Variants in RPS6KB1 observed in about 807,000 individuals in gnomAD.
RPS6KB1 encodes ribosomal protein S6 kinase B1.
Under a neutral mutation model 70.2 loss-of-function variants are expected in RPS6KB1, and 12 were observed. That is an observed-to-expected ratio of 0.17 (90% confidence interval 0.11 to 0.28). RPS6KB1 has a LOEUF of 0.28. Ranked by LOEUF, RPS6KB1 falls within the 10% of genes least tolerant of loss-of-function variation. The pLI is 1.00. For synonymous variants in RPS6KB1, 175 were observed against 211.2 expected (o/e 0.83, Z 1.49); for missense variants, 270 against 646.6 (o/e 0.42, Z 6.32).
Position 59,946,977 on chromosome 17 carries a change from G to A in RPS6KB1, c.*189G>A. ...TCAATGGTGCAAAAAAAAACTTAAA[G>A]CAAAATAGTATTGCTGAACTCTTAG... On this transcript the variant is annotated 3_prime_UTR_variant, in exon 15 of 15. Transcript: ENST00000225577. The surrounding 1 kb of genome is among the most constrained non-coding windows in gnomAD (Gnocchi z 4.2). 1.4e-6 allele frequency: 2 copies of A among 1,424,006 alleles called. No individual in the cohort carries two copies. The highest frequency in any genetic ancestry group is 1.5e-5 in the South Asian group (1 of 65,928). 88.2% of individuals were successfully genotyped at this position (1,424,006 alleles called of 1,614,324 possible). A position where few individuals can be genotyped will look rare whatever the true frequency, so the allele number is the denominator to read the frequency against.
At chr17:59,909,221 C>G (rs986494986) in intron 1 of RPS6KB1, among the ~76,000 whole-genome samples, 116 of 126,074 alleles carry the variant, frequency 9.2e-4, no homozygotes, top group Admixed American at 6.0e-3. Flanking sequence ...AGCCACCGCA[C>G]GTGGCTTTTT....
chr17:59,911,539 T>TA (rs1491471891), intron 2 of RPS6KB1, among the ~76,000 whole-genome samples: 1 of 51,750 alleles, frequency 1.9e-5, no homozygotes, highest in Non-Finnish European at 3.2e-5. Flanking sequence ...TTTTGTTGGG[T>TA]TTTTTTTTTT....
intron 1 of RPS6KB1, among the ~76,000 whole-genome samples, chr17:59,898,781 C>T (rs548512887): frequency 1.9e-3 from 284 of 151,962 alleles, no homozygotes; most frequent in South Asian, 3.9e-3. Context: ...TTAAATAGCC[C>T]AAGAGTTTAG....
At position 59,936,551 on chromosome 17, in the gene RPS6KB1, C is replaced by T. The variant is rs375466507; in HGVS notation, c.1119+10C>T. Reference sequence around the variant, plus strand: ...CTTTAAACCTCTGTTGGTAAGTATACATGAAAGTGTATAATTGGGTGCAGT... The same window carrying T: ...CTTTAAACCTCTGTTGGTAAGTATATATGAAAGTGTATAATTGGGTGCAGT... On this transcript the variant is annotated intron_variant, in intron 12 of 14. Transcript: ENST00000225577. The T allele has an allele frequency of 1.2e-6, 2 of 1,606,458 alleles. No individual in the cohort carries two copies. The highest frequency in any genetic ancestry group is 1.3e-5 in the African/African-American group (1 of 74,724).
At chr17:59,936,636 A>G in intron 12 of RPS6KB1, 95 bp downstream of exon 12, 1 of 976,386 alleles carries the variant, frequency 1.0e-6, no homozygotes, top group East Asian at 2.4e-5. Context: ...GTTTGAGGCC[A>G]GGAGTTCAAG....
At chr17:59,910,518 T>G in intron 1 of RPS6KB1, 44 bp from the exon 2 acceptor site, 1 of 1,244,602 alleles carries the variant, frequency 8.0e-7, no homozygotes, top group Non-Finnish European at 1.2e-6. Flanking sequence ...CTTTAAATTT[T>G]ATGTTTATTA....
intron 7 of RPS6KB1, among the ~76,000 whole-genome samples, 196 bp downstream of exon 7, chr17:59,931,918 A>G (rs2043944407): frequency 6.6e-6 from 1 of 152,186 alleles, no homozygotes; most frequent in African/African-American, 2.4e-5. Flanking sequence ...AAAGAAGTTG[A>G]GGATAATAGT....
At position 59,893,163 on chromosome 17, in the gene RPS6KB1, TGGCTGCGGC is replaced by T; in HGVS notation, c.-19_-11del. ...CCGGTGATGGCGGCAGCGGCTGTGG[TGGCTGCGGC>T]GGGTCCGGGCCCATGAGGCGACGAA... On this transcript the variant is annotated 5_prime_UTR_variant, in exon 1 of 15. Transcript: ENST00000225577. The surrounding 1 kb of genome is among the most constrained non-coding windows in gnomAD (Gnocchi z 4.1). 6.2e-7 allele frequency: 1 copy of T among 1,600,708 alleles called. No individual in the cohort carries two copies. Among genetic ancestry groups the T allele is most frequent in the Non-Finnish European group, 8.5e-7 (1 of 1,174,718 alleles).
At chr17:59,944,990 C>T (rs1293352341) in intron 13 of RPS6KB1, among the ~76,000 whole-genome samples, 1 of 151,722 alleles carries the variant, frequency 6.6e-6, no homozygotes, top group East Asian at 1.9e-4. Flanking sequence ...TTAGTAGAGA[C>T]GGTGTTTCAC....
At chr17:59,937,267 T>A (rs993161550) in intron 12 of RPS6KB1, among the ~76,000 whole-genome samples, 1 of 152,220 alleles carries the variant, frequency 6.6e-6, no homozygotes, top group Admixed American at 6.5e-5. Context: ...TTTCAGGTAG[T>A]TGGGACTTTC....
chr17:59,947,081 G>A lies in RPS6KB1; in HGVS notation c.*293G>A. On this transcript the variant is annotated 3_prime_UTR_variant, in exon 15 of 15. Transcript: ENST00000225577. ...TCATGTTGATGACTCGAAACTGACAGTATTAAGGGTAGGATGTTGCTTCTG... is the reference window on the plus strand; with the variant it reads ...TCATGTTGATGACTCGAAACTGACAATATTAAGGGTAGGATGTTGCTTCTG... 5 of 1,232,488 alleles carry A rather than the reference G, an allele frequency of 4.1e-6. No individual in the cohort carries two copies. Among genetic ancestry groups the A allele is most frequent in the Non-Finnish European group, 5.1e-6 (5 of 976,838 alleles). The allele number at this position is 1,232,488 out of a possible 1,614,324, so 76.3% of individuals were successfully genotyped here.
intron 4 of RPS6KB1, 37 bp from the exon 5 acceptor site, chr17:59,926,398 A>G: frequency 7.1e-7 from 1 of 1,408,866 alleles, no homozygotes. Context: ...AAAAATGTTC[A>G]CTATTTTGTT....
rs527883108 is a variant in RPS6KB1 at position 59,936,509 on chromosome 17, C to T, written c.1087C>T (p.Arg363Ter). 2 of 1,613,734 alleles carry T rather than the reference C, an allele frequency of 1.2e-6. No individual in the cohort carries two copies. Among genetic ancestry groups the T allele is most frequent in the South Asian group, 1.1e-5 (1 of 91,066 alleles). The part of the protein sequence containing the change: ...RHINWEELLA[R>*]KVEPPFKPLL... ...CATTAACTGGGAAGAACTTCTGGCT[C>T]GAAAGGTGGAGCCCCCCTTTAAACC... The change falls in exon 12 of 15, where the codon CGA becomes TGA. Residue 363 changes from arginine (R) to a stop codon, truncating the protein, a stop_gained. Transcript: ENST00000225577. LOFTEE classifies it high-confidence loss of function.
chr17:59,944,993 T>C (rs2044839211), intron 13 of RPS6KB1, among the ~76,000 whole-genome samples: 1 of 151,814 alleles, frequency 6.6e-6, no homozygotes, highest in Non-Finnish European at 1.5e-5. Context: ...GTAGAGACGG[T>C]GTTTCACCAC....
chr17:59,937,092 G>T (rs544145604), intron 12 of RPS6KB1, among the ~76,000 whole-genome samples: 5 of 152,032 alleles, frequency 3.3e-5, no homozygotes, highest in Admixed American at 3.3e-4. Flanking sequence ...GAACTCCTGG[G>T]CTCAAGTGAT....
At chr17:59,907,053 T>C (rs1310157727) in intron 1 of RPS6KB1, 2 of 149,870 alleles carry the variant, frequency 1.3e-5, no homozygotes, top group African/African-American at 2.5e-5. Context: ...CAGGCTGGAC[T>C]GCTGCAGTGG....
chr17:59,896,224 G>T (rs8070039), intron 1 of RPS6KB1, among the ~76,000 whole-genome samples: 2 of 151,438 alleles, frequency 1.3e-5, no homozygotes, highest in African/African-American at 4.9e-5. Flanking sequence ...ACAGAGTCTT[G>T]CTCTATTTGC....
intron 1 of RPS6KB1, among the ~76,000 whole-genome samples, chr17:59,905,882 C>T (rs982738495): frequency 6.6e-6 from 1 of 151,604 alleles, no homozygotes; most frequent in African/African-American, 2.4e-5. Context: ...AGTGGAACTC[C>T]CAGGCTTAGG....
At chr17:59,939,002 T>A (rs2044421932) in intron 12 of RPS6KB1, among the ~76,000 whole-genome samples, 1 of 152,230 alleles carries the variant, frequency 6.6e-6, no homozygotes, top group African/African-American at 2.4e-5. Flanking sequence ...GGTCTTATTC[T>A]AACTGTTATT....
Sources: allele counts gnomAD v4.1 joint callset (sites outside exome capture counted in the v4.1 genomes callset), GRCh38; gene constraint gnomAD v4.1.1; non-coding constraint Gnocchi (gnomAD v3.1); transcripts MANE v1.5; gene names NCBI Gene and HGNC (gene_info 2026-07-23, HGNC 2026-07-21).